The following LINGO2 variants were observed in gnomAD, a reference collection of about 807,000 sequenced individuals.
The protein encoded by LINGO2 is leucine-rich repeat and immunoglobulin-like domain-containing nogo receptor-interacting protein 2.
A neutral mutation model predicts 30.6 loss-of-function variants in LINGO2; 14 were observed. That is an observed-to-expected ratio of 0.46 (90% CI 0.30 to 0.72). The LOEUF (loss-of-function observed/expected upper bound fraction) is 0.72, where lower values mean the gene tolerates loss of function less well. Ranked by LOEUF, LINGO2 falls within the 30% of genes least tolerant of loss-of-function variation. The probability of loss-of-function intolerance (pLI) is 0.07; values close to 1 mark genes in which losing one functional copy is unlikely to be tolerated. For missense variants in LINGO2, 729 were observed against 751.7 expected (o/e 0.97, Z 0.35); for synonymous variants, 317 against 288.5 (o/e 1.10, Z -1.00).
At chr9:28,058,936 T>C (rs1825051293) in intron 4 of LINGO2, among the ~76,000 whole-genome samples, 1 of 152,198 alleles carries the variant, frequency 6.6e-6, no homozygotes, top group South Asian at 2.1e-4. Flanking sequence ...AACAATTATA[T>C]ATAAATTGGT....
chr9:28,472,655 C>T (rs1408939862), intron 2 of LINGO2, among the ~76,000 whole-genome samples: 2 of 151,770 alleles, frequency 1.3e-5, no homozygotes, highest in Admixed American at 1.3e-4. Context: ...TGGATTAGTG[C>T]TCTTTTTTTA....
chr9:28,597,699 T>C (rs1825254140), intron 1 of LINGO2, among the ~76,000 whole-genome samples: 6 of 152,190 alleles, frequency 3.9e-5, no homozygotes, highest in Admixed American at 3.9e-4. Flanking sequence ...AACTAGTTTG[T>C]TGGGGTTTTA....
At chr9:29,108,880 T>C in the LINGO2 span, among the ~76,000 whole-genome samples, 1 of 152,216 alleles carries the variant, frequency 6.6e-6, no homozygotes, top group East Asian at 1.9e-4. Flanking sequence ...GCAAAGTCTG[T>C]TTATGAAATA....
At chr9:28,325,425 C>T (rs1442553721) in intron 3 of LINGO2, among the ~76,000 whole-genome samples, 3 of 152,026 alleles carry the variant, frequency 2.0e-5, no homozygotes, top group African/African-American at 7.3e-5. Flanking sequence ...AATAAGAAAA[C>T]ACACACGGTC....
the LINGO2 span, among the ~76,000 whole-genome samples, chr9:28,704,244 C>A: frequency 6.6e-6 from 1 of 151,770 alleles, no homozygotes; most frequent in Non-Finnish European, 1.5e-5. Flanking sequence ...AATATTTCAC[C>A]CCATTCTCTT....
the LINGO2 span, among the ~76,000 whole-genome samples, chr9:29,005,233 G>A: frequency 4.6e-5 from 7 of 152,052 alleles, no homozygotes; most frequent in African/African-American, 1.2e-4. Flanking sequence ...GAGTAGATAT[G>A]TTATAAAGGT....
chr9:28,335,754 A>C (rs1825569205), intron 3 of LINGO2, among the ~76,000 whole-genome samples: 1 of 152,196 alleles, frequency 6.6e-6, no homozygotes. Context: ...CATTTTTGAA[A>C]GCATTCAAAT....
chr9:28,130,978 T>G lies in LINGO2; in HGVS notation c.-86-118573A>C, dbSNP rs1827363113. 6.6e-6 allele frequency among the ~76,000 whole-genome samples: 1 copy of G among 152,130 alleles called. No homozygotes were observed. Among genetic ancestry groups the G allele is most frequent in the Non-Finnish European group, 1.5e-5 (1 of 67,990 alleles). ...AAACTTTGGATTTCCCAACAATGTA[T>G]ACGCCTTCCCATCTCTGCCTTTACT... On this transcript the variant is annotated intron_variant, in intron 4 of 5. Transcript: ENST00000379992. The surrounding 1 kb of genome is among the most constrained non-coding windows in gnomAD (Gnocchi z 5.2).
chr9:28,989,813 A>T, the LINGO2 span, among the ~76,000 whole-genome samples: 1 of 152,208 alleles, frequency 6.6e-6, no homozygotes, highest in Non-Finnish European at 1.5e-5. Context: ...ACATAAACAT[A>T]TGTAAATGTT....
the LINGO2 span, among the ~76,000 whole-genome samples, chr9:28,732,381 ACT>A: frequency 6.6e-6 from 1 of 152,008 alleles, no homozygotes; most frequent in Non-Finnish European, 1.5e-5. Flanking sequence ...AAAATCCAAC[ACT>A]CTGAAAAGTA....
At chr9:28,040,973 C>T (rs955120674) in intron 4 of LINGO2, among the ~76,000 whole-genome samples, 1 of 152,166 alleles carries the variant, frequency 6.6e-6, no homozygotes, top group African/African-American at 2.4e-5. Flanking sequence ...GCAGGAAAGA[C>T]AGTCACATAT....
intron 2 of LINGO2, among the ~76,000 whole-genome samples, chr9:28,465,117 T>A (rs1825244038): frequency 6.6e-6 from 1 of 152,144 alleles, no homozygotes; most frequent in African/African-American, 2.4e-5. Context: ...TGTTTTGCTG[T>A]CTGTGGATGG....
At chr9:28,153,513 T>C (rs570562245) in intron 4 of LINGO2, among the ~76,000 whole-genome samples, 6 of 152,324 alleles carry the variant, frequency 3.9e-5, no homozygotes, top group African/African-American at 1.4e-4. Flanking sequence ...AAAAGTCTTG[T>C]TGTTACATGC....
chr9:29,086,603 G>A, the LINGO2 span, among the ~76,000 whole-genome samples: 1 of 152,068 alleles, frequency 6.6e-6, no homozygotes, highest in Non-Finnish European at 1.5e-5. Context: ...TTCTAGGAAA[G>A]TAAGAGAAGG....
chr9:28,142,349 T>A (rs1239200533), intron 4 of LINGO2, among the ~76,000 whole-genome samples: 1 of 152,046 alleles, frequency 6.6e-6, no homozygotes, highest in Non-Finnish European at 1.5e-5. Flanking sequence ...AGAAAAAAAA[T>A]TAGTAAAGGA....
intron 4 of LINGO2, among the ~76,000 whole-genome samples, chr9:28,017,573 C>T (rs982958186): frequency 1.4e-4 from 22 of 152,070 alleles, no homozygotes; most frequent in Non-Finnish European, 2.9e-4. Flanking sequence ...ATATCGGCAA[C>T]ATCCAAGCTG....
At chr9:28,412,208 T>C (rs1822797246) in intron 2 of LINGO2, among the ~76,000 whole-genome samples, 1 of 129,556 alleles carries the variant, frequency 7.7e-6, no homozygotes, top group South Asian at 2.5e-4. Context: ...AAAAAAAACC[T>C]TGTTAATTTG....
the LINGO2 span, among the ~76,000 whole-genome samples, chr9:28,695,936 C>T: frequency 2.0e-5 from 3 of 151,804 alleles, no homozygotes; most frequent in Non-Finnish European, 4.4e-5. Context: ...AATGGATGTA[C>T]GCTCTTTACA....
chr9:28,789,392 T>C, the LINGO2 span, among the ~76,000 whole-genome samples: 1 of 152,206 alleles, frequency 6.6e-6, no homozygotes, highest in African/African-American at 2.4e-5. Flanking sequence ...TGAGAACATT[T>C]TATCTGAAAT....
Sources: gnomAD v4.1 joint callset for allele counts (sites outside exome capture counted in the v4.1 genomes callset) on GRCh38, gnomAD v4.1.1 for gene constraint, Gnocchi (gnomAD v3.1) non-coding constraint, MANE v1.5 for transcripts, NCBI Gene and HGNC (gene_info 2026-07-23, HGNC 2026-07-21) for gene names.